Variants in PPP3CC observed in about 807,000 individuals in gnomAD.
PPP3CC encodes the protein protein phosphatase 3 catalytic subunit gamma.
Under a neutral mutation model 60.3 loss-of-function variants are expected in PPP3CC, and 35 were observed. The observed-to-expected ratio is 0.58, with a 90% CI of 0.44 to 0.77. The LOEUF (loss-of-function observed/expected upper bound fraction) is 0.77. Ranked by LOEUF, PPP3CC falls within the 30% of genes least tolerant of loss-of-function variation. PPP3CC has a pLI of 0.00. For missense variants in PPP3CC, 570 were observed against 628.9 expected (o/e 0.91, Z 1.00); for synonymous variants, 206 against 224.3 (o/e 0.92, Z 0.73).
rs549647217 is a variant in PPP3CC, at chr8:22,518,688, A to G, written c.771-3803A>G. On this transcript the variant is annotated intron_variant, in intron 6 of 13. Coordinates refer to ENST00000240139, the MANE Select transcript of PPP3CC (RefSeq NM_005605.5). ...GAATGATGTATTGAAGTTACTTGCT[A>G]TTATTATTATTATTTTGAGATGGAG... Among the ~76,000 whole-genome samples the G allele has an allele frequency of 2.6e-5, 4 of 151,980 alleles. No individual in the cohort carries two copies. The East Asian group carries it at 7.7e-4, about 29-fold the overall frequency.
At chr8:22,453,902 G>A (rs1293074031) in intron 1 of PPP3CC, among the ~76,000 whole-genome samples, 2 of 152,178 alleles carry the variant, frequency 1.3e-5, no homozygotes, top group East Asian at 3.9e-4. Flanking sequence ...CATGAATAGG[G>A]CTTGCAGGAC....
chr8:22,532,836 G>C (rs1435128304), intron 11 of PPP3CC, 85 bp from the exon 12 acceptor site: 2 of 931,312 alleles, frequency 2.1e-6, no homozygotes, highest in Non-Finnish European at 3.1e-6. Flanking sequence ...CATCTCTGCT[G>C]TCTTTCTTCA....
intron 1 of PPP3CC, among the ~76,000 whole-genome samples, chr8:22,466,085 G>C (rs1837513277): frequency 1.3e-5 from 2 of 152,136 alleles, no homozygotes; most frequent in African/African-American, 4.8e-5. Flanking sequence ...AGAACATGTG[G>C]TGTTTGGTTT....
chr8:22,529,144 G>A (rs957605043), intron 10 of PPP3CC, among the ~76,000 whole-genome samples: 9 of 152,198 alleles, frequency 5.9e-5, no homozygotes, highest in Non-Finnish European at 1.2e-4. Context: ...CAGATGAAAG[G>A]AAGTAAAGCA....
chr8:22,473,041 G>A (rs1837777742), intron 1 of PPP3CC, among the ~76,000 whole-genome samples: 1 of 152,148 alleles, frequency 6.6e-6, no homozygotes, highest in South Asian at 2.1e-4. Context: ...CGTTTTTTCA[G>A]TGAAATTTGA....
chr8:22,486,066 ACT>A (rs915117053), intron 3 of PPP3CC, among the ~76,000 whole-genome samples: 8 of 143,744 alleles, frequency 5.6e-5, no homozygotes, highest in African/African-American at 8.4e-5. Context: ...CGCCCTCTTG[ACT>A]CTGTTTTAGT....
chr8:22,502,327 C>T (rs541786189), intron 4 of PPP3CC, among the ~76,000 whole-genome samples: 23 of 152,218 alleles, frequency 1.5e-4, no homozygotes, highest in East Asian at 5.8e-4. Context: ...ATCTAAATGT[C>T]AACAAGACAG....
At chr8:22,509,152 C>T (rs1361236628) in intron 4 of PPP3CC, among the ~76,000 whole-genome samples, 1 of 152,190 alleles carries the variant, frequency 6.6e-6, no homozygotes, top group African/African-American at 2.4e-5. Context: ...TTTACACTTT[C>T]CTTAGGGATC....
chr8:22,488,298 G>A (rs926648859), intron 3 of PPP3CC, among the ~76,000 whole-genome samples: 2 of 152,066 alleles, frequency 1.3e-5, no homozygotes, highest in African/African-American at 4.8e-5. Flanking sequence ...AGCCACACAA[G>A]GTTATTTATA....
At position 22,540,865 on chromosome 8, in the gene PPP3CC, A is replaced by G. The variant is rs1839944298; in HGVS notation, c.*63A>G. 1 of 1,381,720 alleles carries G rather than the reference A, an allele frequency of 7.2e-7. No individual in the cohort carries two copies. The highest frequency in any genetic ancestry group is 1.6e-5 in the South Asian group (1 of 60,990). 85.6% of individuals were successfully genotyped at this position (1,381,720 alleles called of 1,614,324 possible). On this transcript the variant is annotated 3_prime_UTR_variant, in exon 14 of 14. Transcript: ENST00000240139. The stretch of plus-strand genomic sequence containing the variant: ...CAAGAACAAATTCTATTTATTTATT[A>G]TTGGAAAATGAAAAGCAACTCAAAA...
intron 3 of PPP3CC, among the ~76,000 whole-genome samples, chr8:22,477,002 C>A (rs1334716112): frequency 1.3e-5 from 2 of 150,536 alleles, no homozygotes; most frequent in Middle Eastern, 3.2e-3. Context: ...AATGTGAGGA[C>A]AAAAGTTAAA....
At position 22,523,169 on chromosome 8, in the gene PPP3CC, G is replaced by C. The variant is rs180686128; in HGVS notation, c.943+420G>C. ...TTTGTTTTTCTTGAGATATGGTCTA[G>C]GTAGAGTGACCTAGTGTACAAAGTC... On this transcript the variant is annotated intron_variant, in intron 8 of 13. Coordinates refer to ENST00000240139, the MANE Select transcript of PPP3CC (RefSeq NM_005605.5). 3.9e-5 allele frequency among the ~76,000 whole-genome samples: 6 copies of C among 152,106 alleles called. No homozygotes were observed. In the East Asian group the frequency reaches 1.2e-3, roughly 29 times the overall value.
At chr8:22,485,990 C>T (rs1838211688) in intron 3 of PPP3CC, among the ~76,000 whole-genome samples, 1 of 152,102 alleles carries the variant, frequency 6.6e-6, no homozygotes, top group South Asian at 2.1e-4. Flanking sequence ...CAGGCAGTTT[C>T]GGCAGACATG....
At chr8:22,516,402 A>G (rs1490458405) in intron 6 of PPP3CC, among the ~76,000 whole-genome samples, 2 of 152,264 alleles carry the variant, frequency 1.3e-5, no homozygotes, top group Admixed American at 1.3e-4. Context: ...ACTTGGCAAT[A>G]TCTTTCAAAG....
chr8:22,536,117 C>A (rs571329640), intron 12 of PPP3CC, among the ~76,000 whole-genome samples: 1 of 152,348 alleles, frequency 6.6e-6, no homozygotes, highest in African/African-American at 2.4e-5. Flanking sequence ...AGAAGGAAGT[C>A]TGAACATTTT....
intron 4 of PPP3CC, among the ~76,000 whole-genome samples, chr8:22,503,474 A>T (rs1838819973): frequency 6.6e-6 from 1 of 152,166 alleles, no homozygotes; most frequent in African/African-American, 2.4e-5. Context: ...ATTAAGTTTC[A>T]GAGGGTTTTT....
At chr8:22,532,488 A>G (rs1002842700) in intron 11 of PPP3CC, among the ~76,000 whole-genome samples, 182 bp downstream of exon 11, 3 of 152,240 alleles carry the variant, frequency 2.0e-5, no homozygotes, top group African/African-American at 7.2e-5. Flanking sequence ...TTGATTTGTT[A>G]GTAGCTTAGA....
chr8:22,532,045 C>G (rs866553031), intron 10 of PPP3CC, among the ~76,000 whole-genome samples, 180 bp from the exon 11 acceptor site: 20 of 152,278 alleles, frequency 1.3e-4, no homozygotes, highest in African/African-American at 4.6e-4. Context: ...TCTTCTGAGT[C>G]ATTTTTTCTC....
At position 22,441,293 on chromosome 8, in the gene PPP3CC, C is replaced by A; in HGVS notation, c.-117C>A. ...CTCGGACACCGCTGAGGAGCCGGGG[C>A]CGGGCACGGCTGGCTGACGGCTCCG... On this transcript the variant is annotated 5_prime_UTR_variant, in exon 1 of 14. Coordinates refer to ENST00000240139, the MANE Select transcript of PPP3CC (RefSeq NM_005605.5). The A allele has an allele frequency of 2.0e-6, 2 of 1,018,280 alleles. No individual in the cohort carries two copies. The highest frequency in any genetic ancestry group is 1.8e-5 in the South Asian group (1 of 55,658). 63.1% of individuals were successfully genotyped at this position (1,018,280 alleles called of 1,614,324 possible).
Sources: gnomAD v4.1 joint callset for allele counts (sites outside exome capture counted in the v4.1 genomes callset) on GRCh38, gnomAD v4.1.1 for gene constraint, MANE v1.5 for transcripts, NCBI Gene and HGNC (gene_info 2026-07-23, HGNC 2026-07-21) for gene names.